ADRB3: variants seen among roughly 807,000 people sequenced by gnomAD.
ADRB3 encodes adrenoceptor beta 3.
A neutral mutation model predicts 23.8 loss-of-function variants in ADRB3; 33 were observed. That is an observed-to-expected ratio of 1.38 (90% CI 1.05 to 1.85). ADRB3 has a LOEUF of 1.85. Among genes scored for constraint, ADRB3 ranks in the 40% most tolerant of loss-of-function variants. The probability of loss-of-function intolerance (pLI) is 0.00; values close to 1 mark genes in which losing one functional copy is unlikely to be tolerated. For synonymous variants in ADRB3, 289 were observed against 273.0 expected (o/e 1.06, Z -0.58); for missense variants, 600 against 579.6 (o/e 1.04, Z -0.36).
In ADRB3 at chr8:37,966,194, C is replaced by T. The variant is rs1236617487; in HGVS notation, c.276G>A (p.Pro92=). 1 of 1,611,726 alleles carries T rather than the reference C, an allele frequency of 6.2e-7. No individual in the cohort carries two copies. The highest frequency in any genetic ancestry group is 8.5e-7 in the Non-Finnish European group (1 of 1,179,194). ...ADLVMGLLVV[P]PAATLALTGH... ...CAGTCAGCGCCAAGGTGGCCGCCGG[C>T]GGCACCACCAGGAGTCCCATCACCA... Residue 92 remains proline (P), a synonymous_variant, in exon 1 of 2, where the codon CCG becomes CCA. Coordinates refer to ENST00000345060, the MANE Select transcript of ADRB3 (RefSeq NM_000025.3).
rs1332117387 is a variant in ADRB3, at chr8:37,966,189, G to T, written c.281C>A (p.Ala94Glu). Residue 94 changes from alanine to glutamate, a missense_variant, in exon 1 of 2, where the codon GCG (alanine) becomes GAG (glutamate). Transcript: ENST00000345060. ...GTGGCCAGTCAGCGCCAAGGTGGCC[G>T]CCGGCGGCACCACCAGGAGTCCCAT... Reference protein sequence around the residue: ...LVMGLLVVPPAATLALTGHWP... With the variant: ...LVMGLLVVPPEATLALTGHWP... 1.9e-6 allele frequency: 3 copies of T among 1,611,376 alleles called. No individual in the cohort carries two copies. In the African/African-American group the frequency reaches 4.0e-5, roughly 22 times the overall value.
rs1395647074 is a variant in ADRB3 at position 37,965,961 on chromosome 8, AACG to A, written c.506_508del (p.Ser169del). 6.4e-7 allele frequency: 1 copy of A among 1,561,720 alleles called. No homozygotes were observed. Among genetic ancestry groups the A allele is most frequent in the Non-Finnish European group, 8.7e-7 (1 of 1,152,842 alleles). ...CCACCACTGGCTCATGATGGGCGCA[AACG>A]ACACCGCGGCCGACACGACCCACAC... On this transcript the variant is annotated inframe_deletion, in exon 1 of 2. Coordinates refer to ENST00000345060, the MANE Select transcript of ADRB3 (RefSeq NM_000025.3).
rs544651920 is a variant in ADRB3 at position 37,963,156 on chromosome 8, GACAC to G, written c.*1058_*1061del. 20 of 147,926 alleles carry G rather than the reference GACAC, an allele frequency of 1.4e-4. No homozygotes were observed. Among genetic ancestry groups the G allele is most frequent in the East Asian group, 6.0e-4 (3 of 5,014 alleles). 9.2% of individuals were successfully genotyped at this position (147,926 alleles called of 1,614,324 possible). A position where few individuals can be genotyped will look rare whatever the true frequency, so the allele number is the denominator to read the frequency against. Reference sequence around the variant, plus strand: ...GCAATGCTTTGTGCCTGTGCCTCCAGACACACACACACACACACACACGCACACA... The same window carrying G: ...GCAATGCTTTGTGCCTGTGCCTCCAGACACACACACACACACACGCACACA... On this transcript the variant is annotated 3_prime_UTR_variant, in exon 2 of 2. Transcript: ENST00000345060.
At position 37,965,943 on chromosome 8, in the gene ADRB3, T is replaced by C; in HGVS notation, c.527A>G (p.Gln176Arg). The change falls in exon 1 of 2, where the codon CAG becomes CGG. Residue 176 changes from glutamine (Q) to arginine (R), a missense_variant. Physicochemically the swap from Gln to Arg is conservative, Grantham distance 43. Transcript: ENST00000345060. ...AAVSFAPIMS[Q>R]WWRVGADAEA... ...GGCGTCGGCCCCTACGCGCCACCAC[T>C]GGCTCATGATGGGCGCAAACGACAC... 1 of 1,556,288 alleles carries C rather than the reference T, an allele frequency of 6.4e-7. No homozygotes were observed. Among genetic ancestry groups the C allele is most frequent in the Non-Finnish European group, 8.7e-7 (1 of 1,149,794 alleles).
chr8:37,966,531 G>A lies in ADRB3; in HGVS notation c.-62C>T. ...AGGAGGGGGTCTCCCAAATCACCTG[G>A]CTCAGGGGAGGGGACAGCAAGGCAT... is the stretch of plus-strand genomic sequence containing the variant. On this transcript the variant is annotated 5_prime_UTR_variant, in exon 1 of 2. Transcript: ENST00000345060. 1 of 1,520,000 alleles carries A rather than the reference G, an allele frequency of 6.6e-7. No homozygotes were observed. The highest frequency in any genetic ancestry group is 1.2e-5 in the South Asian group (1 of 82,990). The allele number at this position is 1,520,000 out of a possible 1,614,324, so 94.2% of individuals were successfully genotyped here. A position where few individuals can be genotyped will look rare whatever the true frequency, so the allele number is the denominator to read the frequency against.
chr8:37,964,033 A>G lies in ADRB3; in HGVS notation c.*185T>C, dbSNP rs201956916. On this transcript the variant is annotated 3_prime_UTR_variant, in exon 2 of 2. Transcript: ENST00000345060. The stretch of plus-strand genomic sequence containing the variant: ...GGGGTTTAGAAAACATCTCTCAGAC[A>G]GAGAGCAAGAGGATGGTGAAAACCC... 1.7e-6 allele frequency: 1 copy of G among 577,232 alleles called. No homozygotes were observed. Among genetic ancestry groups the G allele is most frequent in the Non-Finnish European group, 3.1e-6 (1 of 318,598 alleles). The allele number at this position is 577,232 out of a possible 1,614,324, so 35.8% of individuals were successfully genotyped here.
Position 37,966,561 on chromosome 8 carries a change from G to C in ADRB3, c.-92C>G, listed in dbSNP as rs747263652. ...GGGGAGGGGACAGCAAGGCATGAGA[G>C]CGACTTCCCCAGCCTGGGCCATCTT... On this transcript the variant is annotated 5_prime_UTR_variant, in exon 1 of 2. Transcript: ENST00000345060. The C allele has an allele frequency of 2.0e-6, 3 of 1,479,434 alleles. No homozygotes were observed. Among genetic ancestry groups the C allele is most frequent in the East Asian group, 5.0e-5 (2 of 40,362 alleles). The allele number at this position is 1,479,434 out of a possible 1,614,324, so 91.6% of individuals were successfully genotyped here. A position where few individuals can be genotyped will look rare whatever the true frequency, so the allele number is the denominator to read the frequency against.
chr8:37,963,890 GC>G lies in ADRB3; in HGVS notation c.*327del, dbSNP rs1563396713. The G allele has an allele frequency of 3.3e-6, 1 of 303,078 alleles. No homozygotes were observed. The highest frequency in any genetic ancestry group is 6.2e-6 in the Non-Finnish European group (1 of 161,206). 18.8% of individuals were successfully genotyped at this position (303,078 alleles called of 1,614,324 possible). A position where few individuals can be genotyped will look rare whatever the true frequency, so the allele number is the denominator to read the frequency against. Reference sequence around the variant, plus strand: ...GAATGGAACCAGGGGAGCTCTCTTTGCCCTAAGCACTCACTGACTGCACAGG... The same window carrying G: ...GAATGGAACCAGGGGAGCTCTCTTTGCCTAAGCACTCACTGACTGCACAGG... On this transcript the variant is annotated 3_prime_UTR_variant, in exon 2 of 2. Coordinates refer to ENST00000345060, the MANE Select transcript of ADRB3 (RefSeq NM_000025.3).
rs1487461697 is a variant in ADRB3 at position 37,963,383 on chromosome 8, C to T, written c.*835G>A. ...GGGTGGGGGAGCAAGATATCAAAGG[C>T]TCAAGCTCACTCCCCTTCGTCCAGA... On this transcript the variant is annotated 3_prime_UTR_variant, in exon 2 of 2. Coordinates refer to ENST00000345060, the MANE Select transcript of ADRB3 (RefSeq NM_000025.3). The T allele has an allele frequency of 1.3e-5, 2 of 152,166 alleles. No homozygotes were observed. Among genetic ancestry groups the T allele is most frequent in the Non-Finnish European group, 2.9e-5 (2 of 68,058 alleles). 9.4% of individuals were successfully genotyped at this position (152,166 alleles called of 1,614,324 possible).
At position 37,964,152 on chromosome 8, in the gene ADRB3, T is replaced by C; in HGVS notation, c.*66A>G. ...CCGGGGAATCCCATGGGACTCATTC[T>C]GAACAGAGGCCAGAGGTTTTCCACA... On this transcript the variant is annotated 3_prime_UTR_variant, in exon 2 of 2. Coordinates refer to ENST00000345060, the MANE Select transcript of ADRB3 (RefSeq NM_000025.3). 6.8e-7 allele frequency: 1 copy of C among 1,460,726 alleles called. No individual in the cohort carries two copies. The highest frequency in any genetic ancestry group is 2.3e-5 in the East Asian group (1 of 44,100). 90.5% of individuals were successfully genotyped at this position (1,460,726 alleles called of 1,614,324 possible). A position where few individuals can be genotyped will look rare whatever the true frequency, so the allele number is the denominator to read the frequency against.
Position 37,966,416 on chromosome 8 carries a change from G to C in ADRB3, c.54C>G (p.Pro18=), listed in dbSNP as rs202143668. Residue 18 remains proline (P), a synonymous_variant, in exon 1 of 2, where the codon CCC becomes CCG. Transcript: ENST00000345060. The stretch of plus-strand genomic sequence containing the variant: ...TGTTGGCGGTATTGGGCGCCAGGGT[G>C]GGGAGGTCCGGCCATGGGGCAAGAG... ...NSSLAPWPDL[P]TLAPNTANTS... is the part of the protein sequence containing the mutation. 3.9e-4 allele frequency: 631 copies of C among 1,607,800 alleles called. 2 individuals carry two copies. The highest frequency in any genetic ancestry group is 3.2e-3 in the African/African-American group (237 of 75,002).
In ADRB3 at chr8:37,965,512, G is replaced by C. The variant is rs201027424; in HGVS notation, c.958C>G (p.Pro320Ala). Residue 320 changes from proline (P) to alanine (A), a missense_variant, in exon 1 of 2, where the codon CCC becomes GCC. Coordinates refer to ENST00000345060, the MANE Select transcript of ADRB3 (RefSeq NM_000025.3). ...AAAGCCGGGCCCGGGACTAGAGAGG[G>C]GCCCCCCAGGGCGCGCAGCACGTTG... The part of the protein sequence containing the change: ...LANVLRALGG[P>A]SLVPGPAFLA... 1.2e-5 allele frequency: 18 copies of C among 1,551,618 alleles called. No homozygotes were observed. The highest frequency in any genetic ancestry group is 6.1e-6 in the Non-Finnish European group (7 of 1,147,322).
rs1408293686 is a variant in ADRB3 at position 37,965,934 on chromosome 8, C to T, written c.536G>A (p.Arg179His). ...CTGCGCCTCGGCGTCGGCCCCTACG[C>T]GCCACCACTGGCTCATGATGGGCGC... ...SFAPIMSQWW[R>H]VGADAEAQRC... is the part of the protein sequence containing the mutation. Residue 179 changes from arginine to histidine, a missense_variant, in exon 1 of 2, where the codon CGC becomes CAC. By Grantham distance (29) the Arg-to-His change is conservative (BLOSUM62 0). Coordinates refer to ENST00000345060, the MANE Select transcript of ADRB3 (RefSeq NM_000025.3). 2 of 1,553,988 alleles carry T rather than the reference C, an allele frequency of 1.3e-6. No homozygotes were observed. Among genetic ancestry groups the T allele is most frequent in the South Asian group, 2.4e-5 (2 of 84,272 alleles).
Position 37,963,895 on chromosome 8 carries a change from A to G in ADRB3, c.*323T>C. On this transcript the variant is annotated 3_prime_UTR_variant, in exon 2 of 2. Coordinates refer to ENST00000345060, the MANE Select transcript of ADRB3 (RefSeq NM_000025.3). Reference sequence around the variant, plus strand: ...GAACCAGGGGAGCTCTCTTTGCCCTAAGCACTCACTGACTGCACAGGCAAG... The same window carrying G: ...GAACCAGGGGAGCTCTCTTTGCCCTGAGCACTCACTGACTGCACAGGCAAG... The G allele has an allele frequency of 3.1e-6, 1 of 320,688 alleles. No individual in the cohort carries two copies. The highest frequency in any genetic ancestry group is 5.8e-6 in the Non-Finnish European group (1 of 171,360). 19.9% of individuals were successfully genotyped at this position (320,688 alleles called of 1,614,324 possible).
chr8:37,965,216 G>A, intron 1 of ADRB3, 49 bp downstream of exon 1: 2 of 1,444,086 alleles, frequency 1.4e-6, no homozygotes, highest in Non-Finnish European at 1.8e-6. Context: ...CGGACACATC[G>A]CATGCTTCCC....
rs201389673 is a variant in ADRB3 at position 37,966,292 on chromosome 8, C to T, written c.178G>A (p.Val60Met). 4 of 1,613,746 alleles carry T rather than the reference C, an allele frequency of 2.5e-6. No homozygotes were observed. Among genetic ancestry groups the T allele is most frequent in the Non-Finnish European group, 3.4e-6 (4 of 1,179,816 alleles). The change falls in exon 1 of 2, where the codon GTG (valine) becomes ATG (methionine). Residue 60 changes from valine (V) to methionine (M), a missense_variant. Transcript: ENST00000345060. ...ATVGGNLLVI[V>M]AIAWTPRLQT... ...AGTCTCGGAGTCCAGGCGATGGCCA[C>T]GATGACCAGCAGGTTGCCTCCCACG...
chr8:37,965,918 G>C lies in ADRB3; in HGVS notation c.552C>G (p.Ala184=), dbSNP rs113481271. Residue 184 remains alanine (A), a synonymous_variant, in exon 1 of 2, where the codon GCC becomes GCG. Transcript: ENST00000345060. ...MSQWWRVGAD[A]EAQRCHSNPR... is the part of the protein sequence containing the mutation. Reference sequence around the variant, plus strand: ...GGTTGGAGTGGCAGCGCTGCGCCTCGGCGTCGGCCCCTACGCGCCACCACT... The same window carrying C: ...GGTTGGAGTGGCAGCGCTGCGCCTCCGCGTCGGCCCCTACGCGCCACCACT... 69 of 1,551,940 alleles carry C rather than the reference G, an allele frequency of 4.4e-5. 1 individual carries two copies. In the African/African-American group the frequency reaches 6.8e-4, roughly 15 times the overall value.
In ADRB3 at chr8:37,964,130, G is replaced by A. The variant is rs1375626348; in HGVS notation, c.*88C>T. 2.8e-5 allele frequency: 34 copies of A among 1,196,474 alleles called. No homozygotes were observed. Among genetic ancestry groups the A allele is most frequent in the Admixed American group, 1.8e-4 (10 of 56,468 alleles). The allele number at this position is 1,196,474 out of a possible 1,614,324, so 74.1% of individuals were successfully genotyped here. A position where few individuals can be genotyped will look rare whatever the true frequency, so the allele number is the denominator to read the frequency against. ...TCTGGAGGGTAGAGTGTCACAGCCG[G>A]GGAATCCCATGGGACTCATTCTGAA... On this transcript the variant is annotated 3_prime_UTR_variant, in exon 2 of 2. Coordinates refer to ENST00000345060, the MANE Select transcript of ADRB3 (RefSeq NM_000025.3).
intron 1 of ADRB3, among the ~76,000 whole-genome samples, chr8:37,964,440 G>C (rs758852335): frequency 1.3e-5 from 2 of 150,006 alleles, no homozygotes; most frequent in African/African-American, 4.9e-5. Context: ...GCACTCACAG[G>C]CTCCTCACTC....
Sources: allele counts gnomAD v4.1 joint callset (sites outside exome capture counted in the v4.1 genomes callset), GRCh38; gene constraint gnomAD v4.1.1; transcripts MANE v1.5; gene names NCBI Gene and HGNC (gene_info 2026-07-23, HGNC 2026-07-21).